ADAMTSL1: variants seen among roughly 807,000 people sequenced by gnomAD.
ADAMTSL1 encodes ADAMTS like 1.
A neutral mutation model predicts 201.8 loss-of-function variants in ADAMTSL1; 126 were observed. The observed-to-expected ratio is 0.62, with a 90% confidence interval of 0.54 to 0.72. The LOEUF (loss-of-function observed/expected upper bound fraction) is 0.72, where lower values mean the gene tolerates loss of function less well. ADAMTSL1 is among the 30% of genes least tolerant of loss of function. The pLI is 0.00. For synonymous variants in ADAMTSL1, 1,121 were observed against 903.4 expected (o/e 1.24, Z -4.32); for missense variants, 2,679 against 2,277.8 (o/e 1.18, Z -3.59).
rs182961542 is a variant in ADAMTSL1, at chr9:18,504,655, C to G, written c.64-174C>G. Among the ~76,000 whole-genome samples the G allele has an allele frequency of 9.9e-5, 15 of 152,284 alleles. 1 individual carries two copies. The East Asian group carries it at 2.9e-3, about 29-fold the overall frequency. On this transcript the variant is annotated intron_variant, in intron 1 of 28. Coordinates refer to ENST00000380548, the MANE Select transcript of ADAMTSL1 (RefSeq NM_001040272.6). ...AGGGCCCTTAAATTTAAATATCCCT[C>G]CCCCTGAACATATAGGCATTATGAA...
intron 2 of ADAMTSL1, among the ~76,000 whole-genome samples, chr9:18,259,509 C>CAAAAAA (rs113141517): frequency 8.0e-6 from 1 of 124,416 alleles, no homozygotes; most frequent in Non-Finnish European, 1.8e-5. Flanking sequence ...AACTCTGTCT[C>CAAAAAA]AAAAAAAAAA....
At chr9:18,407,970 AT>A (rs889498030) in intron 2 of ADAMTSL1, among the ~76,000 whole-genome samples, 5 of 152,326 alleles carry the variant, frequency 3.3e-5, no homozygotes, top group African/African-American at 9.6e-5. Context: ...AGACTGTAAC[AT>A]TTTTTTAAAA....
chr9:18,320,587 G>C (rs565779487), intron 2 of ADAMTSL1, among the ~76,000 whole-genome samples: 1 of 152,056 alleles, frequency 6.6e-6, no homozygotes, highest in East Asian at 1.9e-4. Flanking sequence ...TAAATAAGAG[G>C]GTAAATACAA....
chr9:18,414,437 C>T (rs1358128456), intron 2 of ADAMTSL1, among the ~76,000 whole-genome samples: 4 of 152,086 alleles, frequency 2.6e-5, no homozygotes, highest in African/African-American at 9.7e-5. Context: ...GTTTCCACTT[C>T]TGGACAAGAT....
intron 1 of ADAMTSL1, among the ~76,000 whole-genome samples, chr9:17,980,714 C>T (rs1818654903): frequency 1.3e-5 from 2 of 152,096 alleles, no homozygotes; most frequent in African/African-American, 4.8e-5. Flanking sequence ...CTGTCTTGGC[C>T]ATATGAGAAT....
intron 1 of ADAMTSL1, among the ~76,000 whole-genome samples, chr9:18,076,180 TC>T (rs1281114173): frequency 6.6e-6 from 1 of 152,218 alleles, no homozygotes; most frequent in East Asian, 1.9e-4. Flanking sequence ...TTGTTTCTTT[TC>T]TTTGTATGGA....
intron 2 of ADAMTSL1, among the ~76,000 whole-genome samples, chr9:18,353,192 G>T (rs998029358): frequency 1.4e-4 from 22 of 152,172 alleles, no homozygotes; most frequent in African/African-American, 5.3e-4. Flanking sequence ...TTATCTCCTG[G>T]ATATTATTTG....
At chr9:18,064,954 A>ATTTTTTTTTTTTTTTTTTT (rs563021690) in intron 1 of ADAMTSL1, among the ~76,000 whole-genome samples, 1 of 69,022 alleles carries the variant, frequency 1.4e-5, no homozygotes, top group Non-Finnish European at 2.6e-5. Flanking sequence ...TTTGCTAAAG[A>ATTTTTTTTTTTTTTTTTTT]TTTTTTTTTT....
At chr9:18,478,647 T>C (rs1195046612) in intron 1 of ADAMTSL1, among the ~76,000 whole-genome samples, 1 of 152,122 alleles carries the variant, frequency 6.6e-6, no homozygotes, top group Non-Finnish European at 1.5e-5. Context: ...TGCCCTCCTC[T>C]CAGTAAGCAT....
rs1044578048 is a variant in ADAMTSL1 at position 18,070,009 on chromosome 9, T to C, written c.88-93853T>C. On this transcript the variant is annotated intron_variant, in intron 1 of 29. Transcript: ENST00000680146. ...GATTAGGAATTCAGGTTTAGACATA[T>C]TGAGTGGAAATGTCTGCATGAGATC... Among the ~76,000 whole-genome samples the C allele has an allele frequency of 4.7e-4, 72 of 152,254 alleles. 1 individual carries two copies. The highest frequency in any genetic ancestry group is 4.6e-3 in the Admixed American group (71 of 15,288).
At chr9:18,287,606 C>T (rs369139040) in intron 2 of ADAMTSL1, among the ~76,000 whole-genome samples, 7 of 83,910 alleles carry the variant, frequency 8.3e-5, no homozygotes, top group East Asian at 6.1e-4. Flanking sequence ...CACATATATG[C>T]ATATATGTAT....
intron 20 of ADAMTSL1, among the ~76,000 whole-genome samples, chr9:18,800,377 C>CAAAAAAAAAAAAA (rs58346548): frequency 5.6e-4 from 34 of 60,666 alleles, no homozygotes; most frequent in South Asian, 2.5e-3. Flanking sequence ...AACTCCATCT[C>CAAAAAAAAAAAAA]AAAAAAAAAA....
rs537824742 is a variant in ADAMTSL1, at chr9:18,043,295, G to A, written c.88-120567G>A. On this transcript the variant is annotated intron_variant, in intron 1 of 29. Transcript: ENST00000680146. ...TAGGCCAGAATACTCCCAAGCAACA[G>A]GAAGCTGCTGCACTTTGGTTAGTTG... 6.6e-5 allele frequency among the ~76,000 whole-genome samples: 10 copies of A among 152,196 alleles called. 1 individual carries two copies. The highest frequency in any genetic ancestry group is 2.4e-4 in the African/African-American group (10 of 41,546).
intron 1 of ADAMTSL1, among the ~76,000 whole-genome samples, chr9:18,151,511 TG>T (rs1030255836): frequency 6.0e-5 from 9 of 151,206 alleles, no homozygotes; most frequent in East Asian, 1.9e-4. Flanking sequence ...TATTTGAAGT[TG>T]TTTTTTTTTT....
chr9:18,322,674 G>T (rs981348944), intron 2 of ADAMTSL1, among the ~76,000 whole-genome samples: 1 of 151,750 alleles, frequency 6.6e-6, no homozygotes, highest in South Asian at 2.1e-4. Flanking sequence ...AAGAAAAACC[G>T]TTAGCAATAC....
chr9:18,872,370 G>T (rs538357896), intron 23 of ADAMTSL1, among the ~76,000 whole-genome samples: 1 of 152,206 alleles, frequency 6.6e-6, no homozygotes, highest in Admixed American at 6.5e-5. Flanking sequence ...GGGGGAACAG[G>T]TATTGTTTGG....
chr9:18,366,743 G>A (rs781278846), intron 2 of ADAMTSL1, among the ~76,000 whole-genome samples: 33 of 144,682 alleles, frequency 2.3e-4, no homozygotes, highest in Middle Eastern at 3.6e-3. Flanking sequence ...TCTGCCTCCC[G>A]AGTAGCTGGG....
upstream of ADAMTSL1, chr9:18,474,117 A>G: frequency 1.8e-6 from 1 of 555,540 alleles, no homozygotes; most frequent in Non-Finnish European, 3.2e-6. Context: ...AGAGGGGCTG[A>G]TGGAAGCTGA....
intron 19 of ADAMTSL1, among the ~76,000 whole-genome samples, chr9:18,790,387 T>C (rs1563803295): frequency 6.6e-6 from 1 of 152,132 alleles, no homozygotes; most frequent in Non-Finnish European, 1.5e-5. Context: ...ATTTGAGAAG[T>C]AGGTTCACAC....
Sources: gnomAD v4.1 joint callset for allele counts (sites outside exome capture counted in the v4.1 genomes callset) on GRCh38, gnomAD v4.1.1 for gene constraint, MANE v1.5 for transcripts, NCBI Gene and HGNC (gene_info 2026-07-23, HGNC 2026-07-21) for gene names.